Variants in RBMS1 observed in about 807,000 individuals in gnomAD.
The protein encoded by RBMS1 is RNA-binding motif, single-stranded-interacting protein 1.
In RBMS1, 17 loss-of-function variants were observed where a neutral mutation model predicts 62.3. The observed-to-expected ratio is 0.27, with a 90% CI of 0.19 to 0.41. The LOEUF (loss-of-function observed/expected upper bound fraction) is 0.41, where lower values mean the gene tolerates loss of function less well. Ranked by LOEUF, RBMS1 falls within the 10% of genes least tolerant of loss-of-function variation. The pLI is 1.00. For synonymous variants in RBMS1, 172 were observed against 170.0 expected (o/e 1.01, Z -0.09); for missense variants, 334 against 504.5 (o/e 0.66, Z 3.24).
At chr2:160,479,383 T>C (rs952301766) in intron 1 of RBMS1, among the ~76,000 whole-genome samples, 1 of 152,152 alleles carries the variant, frequency 6.6e-6, no homozygotes, top group Non-Finnish European at 1.5e-5. Flanking sequence ...TGCCAAACCA[T>C]GAGAAGCAGC....
chr2:160,311,159 C>T (rs1222298657), intron 4 of RBMS1, among the ~76,000 whole-genome samples: 3 of 146,054 alleles, frequency 2.1e-5, no homozygotes, highest in Non-Finnish European at 3.0e-5. Flanking sequence ...TGTGCCACTG[C>T]ACTCCAGCCT....
chr2:160,444,605 C>T (rs968321184), intron 1 of RBMS1, among the ~76,000 whole-genome samples: 4 of 152,144 alleles, frequency 2.6e-5, no homozygotes, highest in African/African-American at 9.7e-5. Flanking sequence ...ACTCCAGAAC[C>T]CACTGCCTTT....
At chr2:160,290,803 C>G (rs1688634643) in intron 6 of RBMS1, among the ~76,000 whole-genome samples, 1 of 152,176 alleles carries the variant, frequency 6.6e-6, no homozygotes, top group Non-Finnish European at 1.5e-5. Context: ...CTAAGGTAAT[C>G]ATGTCACTGG....
chr2:160,336,696 T>C (rs1573885318), intron 2 of RBMS1, among the ~76,000 whole-genome samples: 2 of 152,210 alleles, frequency 1.3e-5, no homozygotes, highest in African/African-American at 4.8e-5. Context: ...GTTTGACTTT[T>C]TTTTCCTAAG....
intron 6 of RBMS1, among the ~76,000 whole-genome samples, chr2:160,288,456 C>G (rs1207690367): frequency 6.6e-6 from 1 of 152,200 alleles, no homozygotes; most frequent in Non-Finnish European, 1.5e-5. Flanking sequence ...AAAAGCCCAA[C>G]TGTAACTCCT....
intron 1 of RBMS1, among the ~76,000 whole-genome samples, chr2:160,448,895 T>C (rs924231099): frequency 1.3e-5 from 2 of 150,330 alleles, no homozygotes; most frequent in African/African-American, 5.0e-5. Flanking sequence ...GGGGAGCGCC[T>C]CTGCCCCGCC....
intron 1 of RBMS1, among the ~76,000 whole-genome samples, chr2:160,445,977 A>C (rs774595250): frequency 6.6e-6 from 1 of 151,968 alleles, no homozygotes; most frequent in Non-Finnish European, 1.5e-5. Context: ...AACTGGATTA[A>C]ATGCATATCC....
chr2:160,288,456 C>A (rs1207690367), intron 6 of RBMS1, among the ~76,000 whole-genome samples: 2 of 152,200 alleles, frequency 1.3e-5, no homozygotes, highest in Non-Finnish European at 2.9e-5. Flanking sequence ...AAAAGCCCAA[C>A]TGTAACTCCT....
intron 1 of RBMS1, among the ~76,000 whole-genome samples, chr2:160,467,446 T>C (rs1684742790): frequency 2.0e-5 from 3 of 152,190 alleles, no homozygotes; most frequent in Admixed American, 6.5e-5. Context: ...CGAAAGAAAC[T>C]ACAGCCAAGT....
At chr2:160,312,891 A>G (rs560362627) in intron 4 of RBMS1, among the ~76,000 whole-genome samples, 5 of 152,012 alleles carry the variant, frequency 3.3e-5, no homozygotes, top group Admixed American at 1.3e-4. Context: ...ATATGCTGCT[A>G]TTTCTCAATT....
chr2:160,311,210 ATCTATCTATCT>A (rs1366036964), intron 4 of RBMS1, among the ~76,000 whole-genome samples: 4 of 56,610 alleles, frequency 7.1e-5, no homozygotes, highest in African/African-American at 2.7e-4. Context: ...AAAAAAAAAA[ATCTATCTATCT>A]ATCTATCTAT....
chr2:160,373,435 T>A (rs1559463806), intron 1 of RBMS1, among the ~76,000 whole-genome samples: 1 of 152,354 alleles, frequency 6.6e-6, no homozygotes, highest in East Asian at 1.9e-4. Context: ...AGATTCCTTA[T>A]CATTCAAGTA....
chr2:160,469,420 G>T (rs372587679), intron 1 of RBMS1, among the ~76,000 whole-genome samples: 2 of 152,112 alleles, frequency 1.3e-5, no homozygotes, highest in Non-Finnish European at 1.5e-5. Flanking sequence ...CCTGGAGTCC[G>T]CCCACACAAG....
At chr2:160,452,867 T>C (rs1288628881) in intron 1 of RBMS1, among the ~76,000 whole-genome samples, 1 of 152,138 alleles carries the variant, frequency 6.6e-6, no homozygotes, top group Admixed American at 6.5e-5. Context: ...TAGGAGCTTA[T>C]GAGATCACAT....
At chr2:160,301,987 T>C (rs1234801628) in intron 5 of RBMS1, among the ~76,000 whole-genome samples, 1 of 152,204 alleles carries the variant, frequency 6.6e-6, no homozygotes, top group Non-Finnish European at 1.5e-5. Context: ...TGCAGAGTAT[T>C]AATAAGTTTC....
At chr2:160,435,035 T>A (rs1378355781) in intron 1 of RBMS1, among the ~76,000 whole-genome samples, 1 of 152,228 alleles carries the variant, frequency 6.6e-6, no homozygotes, top group Middle Eastern at 3.2e-3. Context: ...TAAAGAGGAC[T>A]GGTATTTTAG....
chr2:160,311,464 G>A, intron 4 of RBMS1, among the ~76,000 whole-genome samples: 1 of 151,570 alleles, frequency 6.6e-6, no homozygotes, highest in Non-Finnish European at 1.5e-5. Context: ...CATCCTTAAG[G>A]TCCTGGGAGG....
intron 1 of RBMS1, among the ~76,000 whole-genome samples, chr2:160,477,248 G>C (rs982462416): frequency 5.3e-5 from 8 of 152,172 alleles, no homozygotes; most frequent in African/African-American, 1.9e-4. Flanking sequence ...TTCGGAGGCC[G>C]ATACAGGAGA....
At position 160,402,598 on chromosome 2, in the gene RBMS1, A is replaced by G. The variant is rs150076528; in HGVS notation, c.76-35207T>C. Among the ~76,000 whole-genome samples the G allele has an allele frequency of 2.3e-3, 357 of 152,338 alleles. 1 individual carries two copies. Among genetic ancestry groups the G allele is most frequent in the African/African-American group, 8.2e-3 (341 of 41,580 alleles). ...GCCTTTATAAAACAAACAAAAAAAC[A>G]CTAATACATTCAAGAGCTACAATTC... is the stretch of plus-strand genomic sequence containing the variant. On this transcript the variant is annotated intron_variant, in intron 1 of 13. Coordinates refer to ENST00000348849, the MANE Select transcript of RBMS1 (RefSeq NM_016836.4).
Sources: allele counts gnomAD v4.1 joint callset (sites outside exome capture counted in the v4.1 genomes callset), GRCh38; gene constraint gnomAD v4.1.1; transcripts MANE v1.5; gene names NCBI Gene and HGNC (gene_info 2026-07-23, HGNC 2026-07-21).